The following PAX2 variants were observed in gnomAD, a reference collection of about 807,000 sequenced individuals.
PAX2 encodes paired box protein Pax-2.
In PAX2, 9 loss-of-function variants were observed where a neutral mutation model predicts 41.7. That is an observed-to-expected ratio of 0.22 (90% CI 0.13 to 0.38). The LOEUF is 0.38. PAX2 is among the 10% of genes least tolerant of loss of function. The pLI, the probability that PAX2 is intolerant of heterozygous loss-of-function variation, is 1.00. For synonymous variants in PAX2, 221 were observed against 212.7 expected, an observed-to-expected ratio of 1.04 and a Z score of -0.34; for missense variants, 418 against 531.6, an observed-to-expected ratio of 0.79 and a Z score of 2.10.
At chr10:100,823,565 G>A (rs1486826708) in intron 7 of PAX2, among the ~76,000 whole-genome samples, 2 of 152,200 alleles carry the variant, frequency 1.3e-5, no homozygotes, top group Non-Finnish European at 2.9e-5. Flanking sequence ...CTCCAGCCAT[G>A]CCTTGCCTTC....
chr10:100,739,558 C>G (rs972655005), intron 1 of PAX2, among the ~76,000 whole-genome samples: 1 of 152,250 alleles, frequency 6.6e-6, no homozygotes, highest in African/African-American at 2.4e-5. Flanking sequence ...CCCGGTCGCG[C>G]GCGCTCACCC....
chr10:100,739,413 A>G (rs895517779), intron 1 of PAX2, among the ~76,000 whole-genome samples: 14 of 151,500 alleles, frequency 9.2e-5, no homozygotes, highest in African/African-American at 3.4e-4. Context: ...TCACATCCAC[A>G]CAGCTGCTGG....
At chr10:100,780,117 G>A (rs1037174280) in intron 4 of PAX2, among the ~76,000 whole-genome samples, 1 of 151,872 alleles carries the variant, frequency 6.6e-6, no homozygotes, top group South Asian at 2.1e-4. Flanking sequence ...CTCTGGCTCT[G>A]TTCTGTCTTC....
chr10:100,822,190 G>T (rs1439476232), intron 7 of PAX2, among the ~76,000 whole-genome samples: 2 of 152,002 alleles, frequency 1.3e-5, no homozygotes, highest in Admixed American at 6.6e-5. Context: ...CGAGTTTTAG[G>T]AAATGAAAGA....
chr10:100,737,722 G>A (rs1044497761), intron 1 of PAX2, among the ~76,000 whole-genome samples: 2 of 152,192 alleles, frequency 1.3e-5, no homozygotes, highest in African/African-American at 2.4e-5. Context: ...ACGTTTGGCC[G>A]GGGCACAACT....
intron 3 of PAX2, 146 bp downstream of exon 3, chr10:100,751,037 G>C (rs1845420896): frequency 1.4e-6 from 1 of 724,832 alleles, no homozygotes; most frequent in Non-Finnish European, 2.5e-6. Context: ...CAGAGAAAGG[G>C]AACCTGTGAG....
intron 5 of PAX2, among the ~76,000 whole-genome samples, chr10:100,799,677 C>T (rs143297884): frequency 9.5e-4 from 145 of 151,848 alleles, no homozygotes; most frequent in South Asian, 8.1e-3. Flanking sequence ...ATAAGTACCT[C>T]GTAAAGTTTG....
chr10:100,742,744 G>A (rs951576504), upstream of PAX2, among the ~76,000 whole-genome samples: 4 of 151,720 alleles, frequency 2.6e-5, no homozygotes, highest in African/African-American at 9.7e-5. Context: ...AGGCGGACGG[G>A]AAAAGCAACC....
In PAX2 at chr10:100,757,880, G is replaced by T. The variant is rs573297159; in HGVS notation, c.410+6989G>T. Among the ~76,000 whole-genome samples the T allele has an allele frequency of 1.3e-3, 205 of 152,278 alleles. 1 individual carries two copies. Among genetic ancestry groups the T allele is most frequent in the African/African-American group, 4.8e-3 (200 of 41,552 alleles). ...GGGTATGGGAAGCTAAAGAAGAATG[G>T]TCTGGCGCTGTAGGAGAGGGAGCAG... On this transcript the variant is annotated intron_variant, in intron 3 of 9. Transcript: ENST00000355243.
At chr10:100,747,825 C>A (rs958847759) in intron 1 of PAX2, 2 of 985,022 alleles carry the variant, frequency 2.0e-6, no homozygotes, top group East Asian at 1.1e-4. Context: ...CGGGTCCACA[C>A]GCCGTTTTCG....
intron 3 of PAX2, among the ~76,000 whole-genome samples, chr10:100,763,673 C>A (rs886725859): frequency 2.0e-5 from 3 of 152,224 alleles, no homozygotes; most frequent in African/African-American, 7.2e-5. Flanking sequence ...TTAAGGGAGA[C>A]TGTCAGGTTC....
At chr10:100,803,418 C>T (rs1407747639) in intron 5 of PAX2, among the ~76,000 whole-genome samples, 1 of 152,012 alleles carries the variant, frequency 6.6e-6, no homozygotes, top group Non-Finnish European at 1.5e-5. Context: ...CTTCATTCCT[C>T]CCTTCCTTCC....
rs1319081541 is a variant in PAX2 at position 100,781,383 on chromosome 10, G to A, written c.616+18G>A. On this transcript the variant is annotated intron_variant, in intron 5 of 9. Transcript: ENST00000355243. ...TGATGAAGGTAGGGAGGAGGGAAGA[G>A]GTGTGGCTTCCCCTTCACATGCTTT... 6.2e-7 allele frequency: 1 copy of A among 1,613,528 alleles called. No homozygotes were observed. The highest frequency in any genetic ancestry group is 1.1e-5 in the South Asian group (1 of 91,076).
chr10:100,764,680 C>CTG (rs59663467), intron 3 of PAX2, among the ~76,000 whole-genome samples: 2,939 of 150,334 alleles, frequency 0.02, 87 homozygotes, highest in African/African-American at 0.064. Context: ...GACCTTGTGG[C>CTG]TGTGTGTGTG....
intron 3 of PAX2, among the ~76,000 whole-genome samples, chr10:100,774,115 G>C (rs538654009): frequency 2.6e-5 from 4 of 152,340 alleles, no homozygotes; most frequent in Admixed American, 2.6e-4. Flanking sequence ...AGCTGAACTA[G>C]AAGATGAGTA....
At chr10:100,811,551 T>C (rs1847990633) in intron 7 of PAX2, among the ~76,000 whole-genome samples, 1 of 152,246 alleles carries the variant, frequency 6.6e-6, no homozygotes, top group African/African-American at 2.4e-5. Context: ...TGAGTTCTTC[T>C]AGAAAGATAC....
chr10:100,758,502 G>T (rs1224207566), intron 3 of PAX2, among the ~76,000 whole-genome samples: 2 of 152,194 alleles, frequency 1.3e-5, no homozygotes. Flanking sequence ...GGGAAGGAAA[G>T]CAGTGCCCAG....
At chr10:100,775,131 G>C (rs906128910) in intron 3 of PAX2, among the ~76,000 whole-genome samples, 1 of 152,182 alleles carries the variant, frequency 6.6e-6, no homozygotes, top group Non-Finnish European at 1.5e-5. Flanking sequence ...CACCCTCCAG[G>C]GATCTATATC....
chr10:100,741,472 C>T (rs1292209506), upstream of PAX2, among the ~76,000 whole-genome samples: 1 of 88,792 alleles, frequency 1.1e-5, no homozygotes, highest in African/African-American at 4.5e-5. Context: ...GGGGGAAGGG[C>T]GGGGAGAGAA....
Sources: allele counts gnomAD v4.1 joint callset (sites outside exome capture counted in the v4.1 genomes callset), GRCh38; gene constraint gnomAD v4.1.1; transcripts MANE v1.5; gene names NCBI Gene and HGNC (gene_info 2026-07-23, HGNC 2026-07-21).